The following VPS13B variants were observed in gnomAD, a reference collection of about 807,000 sequenced individuals.
VPS13B encodes intermembrane lipid transfer protein VPS13B.
A neutral mutation model predicts 426.4 loss-of-function variants in VPS13B; 285 were observed. That is an observed-to-expected ratio of 0.67 (90% confidence interval 0.61 to 0.74). The LOEUF (loss-of-function observed/expected upper bound fraction) is 0.74. Among genes scored for constraint, VPS13B ranks in the 30% least tolerant of loss-of-function variants. The pLI, the probability that VPS13B is intolerant of heterozygous loss-of-function variation, is 0.00. For synonymous variants in VPS13B, 1,676 were observed against 1,676.4 expected (o/e 1.00, Z 0.01); for missense variants, 4,537 against 4,782.6 (o/e 0.95, Z 1.51).
chr8:99,835,461 T>A, intron 53 of VPS13B, 78 bp from the exon 54 acceptor site: 3 of 1,536,422 alleles, frequency 2.0e-6, no homozygotes. Flanking sequence ...GAGAAGTTTC[T>A]TTTGCCACAT....
intron 36 of VPS13B, among the ~76,000 whole-genome samples, chr8:99,714,068 G>A (rs1328937158): frequency 6.6e-6 from 1 of 151,122 alleles, no homozygotes; most frequent in Admixed American, 6.6e-5. Context: ...GAACCCAGGA[G>A]GCAGAGGTTG....
intron 5 of VPS13B, among the ~76,000 whole-genome samples, chr8:99,103,420 C>A (rs1020996652): frequency 5.9e-5 from 9 of 151,630 alleles, no homozygotes; most frequent in African/African-American, 2.2e-4. Flanking sequence ...ACCTCTGCCT[C>A]CCGGGCTCAA....
At chr8:99,290,534 T>C (rs1489506669) in intron 19 of VPS13B, among the ~76,000 whole-genome samples, 2 of 151,720 alleles carry the variant, frequency 1.3e-5, no homozygotes, top group Non-Finnish European at 2.9e-5. Flanking sequence ...AGGGATAGCA[T>C]TAGGAGATAT....
chr8:99,663,235 C>T (rs1448972147), intron 35 of VPS13B, among the ~76,000 whole-genome samples: 2 of 152,160 alleles, frequency 1.3e-5, no homozygotes, highest in African/African-American at 4.8e-5. Flanking sequence ...GAAAGCCAGT[C>T]ATGGATTAAA....
chr8:99,828,412 T>G (rs1286588347), intron 51 of VPS13B, among the ~76,000 whole-genome samples: 12 of 112,664 alleles, frequency 1.1e-4, no homozygotes, highest in East Asian at 4.9e-4. Context: ...TTTTTTTTTT[T>G]TTTTTTTTTT....
chr8:99,370,491 A>C (rs951216618), intron 19 of VPS13B, among the ~76,000 whole-genome samples: 4 of 152,102 alleles, frequency 2.6e-5, no homozygotes, highest in African/African-American at 9.7e-5. Context: ...TATGGTGAGA[A>C]GTTTGGATTT....
intron 30 of VPS13B, among the ~76,000 whole-genome samples, chr8:99,542,999 G>T (rs895669305): frequency 6.6e-6 from 1 of 152,108 alleles, no homozygotes; most frequent in African/African-American, 2.4e-5. Flanking sequence ...AGCCCGCATT[G>T]CCAAGTCAAT....
At chr8:99,207,866 A>G (rs1335898940) in intron 17 of VPS13B, among the ~76,000 whole-genome samples, 1 of 152,158 alleles carries the variant, frequency 6.6e-6, no homozygotes, top group Non-Finnish European at 1.5e-5. Flanking sequence ...GTAGTTTGCA[A>G]TCTGTTCAGT....
Position 99,832,341 on chromosome 8 carries a change from ATTTTTTT to A in VPS13B, c.9331-9_9331-3del, listed in dbSNP as rs370235149. 1.9e-4 allele frequency: 232 copies of A among 1,195,346 alleles called. 1 individual carries two copies. The Admixed American group carries it at 6.0e-3, about 31-fold the overall frequency. 74.0% of individuals were successfully genotyped at this position (1,195,346 alleles called of 1,614,324 possible). A position where few individuals can be genotyped will look rare whatever the true frequency, so the allele number is the denominator to read the frequency against. Reference sequence around the variant, plus strand: ...TTACTGTAGCTAATGTGCTCTCTGCATTTTTTTTTTTTTTTTTTTTTTTTTAGTATTT... The same window carrying A: ...TTACTGTAGCTAATGTGCTCTCTGCATTTTTTTTTTTTTTTTTTAGTATTT... On this transcript the variant is annotated intron_variant, in intron 51 of 61. Coordinates refer to ENST00000357162, the MANE Select transcript of VPS13B (RefSeq NM_152564.5).
chr8:99,584,216 A>G (rs1826203615), intron 33 of VPS13B, among the ~76,000 whole-genome samples: 1 of 152,114 alleles, frequency 6.6e-6, no homozygotes, highest in Non-Finnish European at 1.5e-5. Flanking sequence ...GGTACATTGA[A>G]CTCTCACATC....
intron 21 of VPS13B, among the ~76,000 whole-genome samples, chr8:99,397,233 C>A (rs1017391114): frequency 2.6e-5 from 4 of 152,158 alleles, no homozygotes; most frequent in Non-Finnish European, 5.9e-5. Flanking sequence ...GCAACCTCCA[C>A]CTCCTGAGTT....
At chr8:99,093,677 A>G (rs1011856950) in intron 3 of VPS13B, among the ~76,000 whole-genome samples, 44 of 151,908 alleles carry the variant, frequency 2.9e-4, no homozygotes, top group African/African-American at 9.2e-4. Context: ...ATGATTTCCA[A>G]TTTCATCCAT....
At chr8:99,439,288 A>G (rs1817562120) in intron 22 of VPS13B, among the ~76,000 whole-genome samples, 1 of 152,150 alleles carries the variant, frequency 6.6e-6, no homozygotes, top group South Asian at 2.1e-4. Flanking sequence ...TACAGAAACT[A>G]TATAGTGTAC....
At chr8:99,565,310 G>T (rs1303122957) in intron 31 of VPS13B, among the ~76,000 whole-genome samples, 1 of 148,942 alleles carries the variant, frequency 6.7e-6, no homozygotes, top group Non-Finnish European at 1.5e-5. Flanking sequence ...CAGCATATTT[G>T]TTTGTTAAAA....
At chr8:99,865,023 A>G (rs373429659) in intron 58 of VPS13B, among the ~76,000 whole-genome samples, 100 of 152,316 alleles carry the variant, frequency 6.6e-4, no homozygotes, top group African/African-American at 2.3e-3. Context: ...GCCCTTGAAA[A>G]TTAAAGCAAG....
chr8:99,443,243 A>G (rs927300065), intron 23 of VPS13B, among the ~76,000 whole-genome samples: 1 of 152,084 alleles, frequency 6.6e-6, no homozygotes, highest in Non-Finnish European at 1.5e-5. Context: ...AGTAATCTGA[A>G]TATATATTAT....
intron 3 of VPS13B, among the ~76,000 whole-genome samples, chr8:99,065,410 G>A (rs1844429466): frequency 1.3e-5 from 2 of 152,114 alleles, no homozygotes; most frequent in African/African-American, 4.8e-5. Flanking sequence ...AAAGACAAAA[G>A]CCACATGATC....
At chr8:99,340,503 C>T (rs1238584141) in intron 19 of VPS13B, 5 of 482,964 alleles carry the variant, frequency 1.0e-5, no homozygotes, top group Non-Finnish European at 1.7e-5. Flanking sequence ...CCAAAAGTCA[C>T]AGCAAATGTT....
At chr8:99,158,374 T>C (rs535666887) in intron 15 of VPS13B, among the ~76,000 whole-genome samples, 3 of 152,040 alleles carry the variant, frequency 2.0e-5, no homozygotes, top group East Asian at 1.9e-4. Context: ...CTACTAAAGA[T>C]ACAAAAAAAT....
Sources: gnomAD v4.1 joint callset for allele counts (sites outside exome capture counted in the v4.1 genomes callset) on GRCh38, gnomAD v4.1.1 for gene constraint, MANE v1.5 for transcripts, NCBI Gene and HGNC (gene_info 2026-07-23, HGNC 2026-07-21) for gene names.